Variants in FRMD1 observed in about 807,000 individuals in gnomAD.
FRMD1 encodes the protein FERM domain-containing protein 1.
In FRMD1, 51 loss-of-function variants were observed where a neutral mutation model predicts 54.9. That is an observed-to-expected ratio of 0.93 (90% CI 0.74 to 1.17). FRMD1 has a LOEUF of 1.17. FRMD1 is among the 50% of genes most tolerant of loss of function. The pLI, the probability that FRMD1 is intolerant of heterozygous loss-of-function variation, is 0.00. For missense variants in FRMD1, 729 were observed against 743.0 expected (o/e 0.98, Z 0.22); for synonymous variants, 324 against 306.4 (o/e 1.06, Z -0.60).
At chr6:168,075,613 G>T (rs1800552032) in intron 1 of FRMD1, 1 of 801,124 alleles carries the variant, frequency 1.2e-6, no homozygotes, top group Non-Finnish European at 2.1e-6. Flanking sequence ...TCTGGTGTGA[G>T]GATTTCCCGA....
rs138511268 is a variant in FRMD1, at chr6:168,072,575, C to G, written c.304+2670G>C. On this transcript the variant is annotated intron_variant, in intron 2 of 10. Coordinates refer to ENST00000283309, the MANE Select transcript of FRMD1 (RefSeq NM_024919.6). ...GGAGCGCGGACCAGAGCTCGCCCCC[C>G]AAACACGGCGGCTCCAACATGTCGG... Among the ~76,000 whole-genome samples the G allele has an allele frequency of 5.1e-4, 78 of 152,334 alleles. No individual in the cohort carries two copies. In the East Asian group the frequency reaches 0.015, roughly 28 times the overall value.
At chr6:168,091,566 C>T (rs1055462682) in intron 1 of FRMD1, among the ~76,000 whole-genome samples, 6 of 152,230 alleles carry the variant, frequency 3.9e-5, no homozygotes, top group African/African-American at 1.4e-4. Context: ...GTCTCTGGAG[C>T]CGGTGGGCGG....
rs776119927 is a variant in FRMD1 at position 168,079,003 on chromosome 6, C to T, written c.92G>A (p.Ser31Asn). 2 of 1,612,526 alleles carry T rather than the reference C, an allele frequency of 1.2e-6. No individual in the cohort carries two copies. Among genetic ancestry groups the T allele is most frequent in the Middle Eastern group, 1.7e-4 (1 of 6,058 alleles). The change falls in exon 1 of 11, where the codon AGT (serine) becomes AAT (asparagine). Residue 31 changes from serine to asparagine, a missense_variant. Transcript: ENST00000283309. ...PPSGARCMEP[S>N]PERPACSQQE... is the part of the protein sequence containing the mutation. ...CTGACTGCATGCAGGCCTCTCAGGACTGGGTTCCATACATCGCGCCCCTGA... is the reference window on the plus strand; with the variant it reads ...CTGACTGCATGCAGGCCTCTCAGGATTGGGTTCCATACATCGCGCCCCTGA...
At chr6:168,087,034 G>T (rs1330365668) in intron 1 of FRMD1, among the ~76,000 whole-genome samples, 1 of 151,924 alleles carries the variant, frequency 6.6e-6, no homozygotes, top group African/African-American at 2.4e-5. Context: ...ACTCCCTTGG[G>T]CCTGGTTTTC....
intron 2 of FRMD1, among the ~76,000 whole-genome samples, chr6:168,071,712 T>G (rs1800315191): frequency 6.6e-6 from 1 of 152,192 alleles, no homozygotes; most frequent in Admixed American, 6.5e-5. Context: ...CGGAAAGCCC[T>G]CCCACCTGGG....
intron 2 of FRMD1, among the ~76,000 whole-genome samples, chr6:168,070,058 A>G (rs1312018710): frequency 6.6e-6 from 1 of 152,228 alleles, no homozygotes; most frequent in East Asian, 1.9e-4. Flanking sequence ...ACCCGACTCC[A>G]CAAAAAAATA....
intron 4 of FRMD1, 181 bp from the exon 5 acceptor site, chr6:168,065,238 C>G (rs1033527424): frequency 1.5e-6 from 2 of 1,378,936 alleles, no homozygotes; most frequent in South Asian, 3.5e-5. Flanking sequence ...CAGGCCCACA[C>G]TCTTCCTGGA....
At chr6:168,073,739 C>T (rs892663760) in intron 2 of FRMD1, among the ~76,000 whole-genome samples, 1 of 152,130 alleles carries the variant, frequency 6.6e-6, no homozygotes. Flanking sequence ...TGGCTTCGTC[C>T]AAAAGGATCC....
intron 8 of FRMD1, among the ~76,000 whole-genome samples, 158 bp downstream of exon 8, chr6:168,061,649 C>A (rs1412807910): frequency 6.6e-6 from 1 of 152,216 alleles, no homozygotes; most frequent in Admixed American, 6.5e-5. Flanking sequence ...TGGGGGCCAC[C>A]ACTTCGCCCT....
intron 2 of FRMD1, among the ~76,000 whole-genome samples, chr6:168,071,890 C>G (rs1379404764): frequency 6.6e-6 from 1 of 152,240 alleles, no homozygotes; most frequent in Non-Finnish European, 1.5e-5. Flanking sequence ...CTGTGCTGAC[C>G]TTCAGGACTC....
chr6:168,060,030 T>C (rs367686693), intron 9 of FRMD1, among the ~76,000 whole-genome samples: 5 of 121,622 alleles, frequency 4.1e-5, no homozygotes, highest in African/African-American at 1.6e-4. Context: ...AGTGGGGGGC[T>C]TCCTAGGAGT....
At chr6:168,091,843 T>C (rs887651713) in intron 1 of FRMD1, among the ~76,000 whole-genome samples, 4 of 152,206 alleles carry the variant, frequency 2.6e-5, no homozygotes, top group South Asian at 2.1e-4. Flanking sequence ...CCCAGACTAA[T>C]AGACTCACTA....
In FRMD1 at chr6:168,060,938, A is replaced by AGT; in HGVS notation, c.1163_1164dup (p.Ser389ThrfsTer86). On this transcript the variant is annotated frameshift_variant, in exon 9 of 11. Coordinates refer to ENST00000283309, the MANE Select transcript of FRMD1 (RefSeq NM_024919.6). LOFTEE classifies it high-confidence loss of function. ...TAGGAACTGCCGTGGCTGTCGGCGG[A>AGT]GTGGCGTGAGAGGCAGTGGGGGCAG... The AGT allele has an allele frequency of 6.2e-7, 1 of 1,613,544 alleles. No homozygotes were observed. Among genetic ancestry groups the AGT allele is most frequent in the Non-Finnish European group, 8.5e-7 (1 of 1,180,020 alleles).
chr6:168,071,747 A>T (rs1039203269), intron 2 of FRMD1, among the ~76,000 whole-genome samples: 1 of 152,210 alleles, frequency 6.6e-6, no homozygotes, highest in African/African-American at 2.4e-5. Flanking sequence ...GGTAAAGACA[A>T]GGCAAACACT....
At chr6:168,080,553 G>A (rs1168821017), upstream of FRMD1, among the ~76,000 whole-genome samples, 2 of 152,190 alleles carry the variant, frequency 1.3e-5, no homozygotes, top group East Asian at 1.9e-4. Context: ...GCCCTCAGCC[G>A]CTGCCTGGAG....
chr6:168,075,772 AAC>A, intron 1 of FRMD1: 1 of 1,550,844 alleles, frequency 6.4e-7, no homozygotes. Context: ...GAGTGATCCC[AAC>A]AGTGTTCCTA....
At chr6:168,083,436 A>C (rs1800870552), upstream of FRMD1, among the ~76,000 whole-genome samples, 1 of 152,360 alleles carries the variant, frequency 6.6e-6, no homozygotes, top group East Asian at 1.9e-4. Flanking sequence ...TCAAAAAGTG[A>C]TTCAGAGAAA....
chr6:168,078,752 TCCCAAGGCCATCCAGGGCCCTGCTCACC>T lies in FRMD1; in HGVS notation c.213+102_213+129del, dbSNP rs1562430467. ...TCCTCACCCCCATGGCTCTGTTTAC[TCCCAAGGCCATCCAGGGCCCTGCTCACC>T]CCCACGGCCACCCAGGGCCCTGCTC... On this transcript the variant is annotated intron_variant, in intron 1 of 10. Coordinates refer to ENST00000283309, the MANE Select transcript of FRMD1 (RefSeq NM_024919.6). The T allele has an allele frequency of 3.7e-5, 39 of 1,053,756 alleles. 1 individual carries two copies. In the South Asian group the frequency reaches 4.0e-4, roughly 11 times the overall value. 65.3% of individuals were successfully genotyped at this position (1,053,756 alleles called of 1,614,324 possible).
At chr6:168,085,557 G>A (rs1800903062), upstream of FRMD1, among the ~76,000 whole-genome samples, 2 of 152,326 alleles carry the variant, frequency 1.3e-5, no homozygotes, top group South Asian at 4.1e-4. Flanking sequence ...TGGGCTCCAG[G>A]GGGTGTGCAG....
Sources: gnomAD v4.1 joint callset for allele counts (sites outside exome capture counted in the v4.1 genomes callset) on GRCh38, gnomAD v4.1.1 for gene constraint, MANE v1.5 for transcripts, NCBI Gene and HGNC (gene_info 2026-07-23, HGNC 2026-07-21) for gene names.